ZNF674: variants seen among roughly 807,000 people sequenced by gnomAD.
The protein encoded by ZNF674 is zinc finger family member 674.
A neutral mutation model predicts 7.0 loss-of-function variants in ZNF674; 2 were observed. The ratio of observed to expected loss-of-function variants is 0.29; its 90% confidence interval spans 0.12 to 0.90. The LOEUF (loss-of-function observed/expected upper bound fraction) is 0.90, where lower values mean the gene tolerates loss of function less well. Among genes scored for constraint, ZNF674 ranks in the 40% least tolerant of loss-of-function variants. The probability of loss-of-function intolerance (pLI) is 0.57; values close to 1 mark genes in which losing one functional copy is unlikely to be tolerated. For synonymous variants in ZNF674, 103 were observed against 145.2 expected, an observed-to-expected ratio of 0.71 and a Z score of 2.09; for missense variants, 297 against 415.5, an observed-to-expected ratio of 0.71 and a Z score of 2.48.
In ZNF674 at chrX:46,499,724, A is replaced by G; in HGVS notation, c.*119T>C. ...TTAAATGAACATTAACATATGAAGA[A>G]TTTCCAATATTCTGGACATTTATAA... On this transcript the variant is annotated 3_prime_UTR_variant, in exon 6 of 6. Transcript: ENST00000683375. 1 of 551,990 alleles carries G rather than the reference A, an allele frequency of 1.8e-6. No homozygotes were observed. Among genetic ancestry groups the G allele is most frequent in the Non-Finnish European group, 2.7e-6 (1 of 373,042 alleles). The allele number at this position is 551,990 out of a possible 1,213,427, so 45.5% of individuals were successfully genotyped here.
chrX:46,542,132 T>C lies in ZNF674; in HGVS notation c.-29-16A>G, dbSNP rs754400238. The C allele has an allele frequency of 2.7e-5, 30 of 1,104,933 alleles. No individual in the cohort carries two copies. The highest frequency in any genetic ancestry group is 3.6e-5 in the Non-Finnish European group (29 of 805,613). The allele number at this position is 1,104,933 out of a possible 1,213,427, so 91.1% of individuals were successfully genotyped here. ...GGATGGAGATCTACAAATACAGAAT[T>C]AGAAGGGTTGAGTTCAGTGGGTATA... is the stretch of plus-strand genomic sequence containing the variant. On this transcript the variant is annotated splice_polypyrimidine_tract_variant and intron_variant, in intron 2 of 5. Coordinates refer to ENST00000683375, the MANE Select transcript of ZNF674 (RefSeq NM_001190417.2).
chrX:46,521,422 A>G (rs1198071096), intron 5 of ZNF674, among the ~76,000 whole-genome samples: 1 of 108,888 alleles, frequency 9.2e-6, no homozygotes, highest in Admixed American at 9.9e-5. Context: ...ACAAAAAAAT[A>G]CAAATATTAG....
At chrX:46,501,823 T>C (rs991371664) in intron 5 of ZNF674, among the ~76,000 whole-genome samples, 1 of 109,746 alleles carries the variant, frequency 9.1e-6, no homozygotes, top group African/African-American at 3.3e-5. Context: ...TTTGATGTCT[T>C]ATATATAACA....
At chrX:46,503,347 C>T (rs1295217000) in intron 5 of ZNF674, among the ~76,000 whole-genome samples, 1 of 111,579 alleles carries the variant, frequency 9.0e-6, no homozygotes, top group African/African-American at 3.3e-5. Flanking sequence ...TACACAAAAC[C>T]TGGCTAAGAA....
chrX:46,519,324 T>TAGATAGATAGATAGGC lies in ZNF674; in HGVS notation c.238+9025_238+9026insGCCTATCTATCTATCT, dbSNP rs200470080. Among the ~76,000 whole-genome samples the TAGATAGATAGATAGGC allele has an allele frequency of 1.1e-3, 113 of 106,376 alleles. 1 individual carries two copies. The highest frequency in any genetic ancestry group is 3.8e-3 in the African/African-American group (110 of 28,724). The allele number at this position is 106,376 out of a possible 115,157, so 92.4% of individuals were successfully genotyped here. A position where few individuals can be genotyped will look rare whatever the true frequency, so the allele number is the denominator to read the frequency against. Reference sequence around the variant, plus strand: ...ATAGATAGATAGATAGATAGATAGATAGGCCAGGTGTGGTGGCTCATGCCT... The same window carrying TAGATAGATAGATAGGC: ...ATAGATAGATAGATAGATAGATAGATAGATAGATAGATAGGCAGGCCAGGTGTGGTGGCTCATGCCT... On this transcript the variant is annotated intron_variant, in intron 5 of 5. Transcript: ENST00000683375.
chrX:46,534,183 G>A (rs562197423), intron 3 of ZNF674, among the ~76,000 whole-genome samples: 89 of 110,099 alleles, frequency 8.1e-4, no homozygotes, highest in Non-Finnish European at 1.2e-3. Flanking sequence ...CCGCCCCCAT[G>A]ACCCATTACC....
chrX:46,532,553 G>A (rs1160663054), intron 3 of ZNF674, among the ~76,000 whole-genome samples: 21 of 111,681 alleles, frequency 1.9e-4, no homozygotes, highest in African/African-American at 5.5e-4. Flanking sequence ...AATAAACCAC[G>A]CAGTGTCAAG....
intron 5 of ZNF674, among the ~76,000 whole-genome samples, chrX:46,505,795 C>CACACACACAA (rs1556010542): frequency 9.4e-6 from 1 of 106,335 alleles, no homozygotes; most frequent in Admixed American, 9.9e-5. Context: ...CACACACACA[C>CACACACACAA]GAAAAAAAAA....
chrX:46,526,619 C>T (rs1942014693), intron 5 of ZNF674, among the ~76,000 whole-genome samples: 1 of 109,330 alleles, frequency 9.1e-6, no homozygotes, highest in Non-Finnish European at 1.9e-5. Context: ...AAGTCAACAA[C>T]AACAACAACA....
chrX:46,519,248 AG>A (rs1941840404), intron 5 of ZNF674, among the ~76,000 whole-genome samples: 4 of 74,028 alleles, frequency 5.4e-5, no homozygotes, highest in African/African-American at 1.1e-4. Flanking sequence ...ATAGATAGAT[AG>A]ATAGATAGAT....
At chrX:46,520,543 G>C (rs1941889758) in intron 5 of ZNF674, among the ~76,000 whole-genome samples, 1 of 111,508 alleles carries the variant, frequency 9.0e-6, no homozygotes, top group Non-Finnish European at 1.9e-5. Flanking sequence ...ACCAATGGGG[G>C]GAATTGGATA....
chrX:46,540,753 G>A (rs1021550962), intron 3 of ZNF674, among the ~76,000 whole-genome samples: 1 of 111,320 alleles, frequency 9.0e-6, no homozygotes, highest in Non-Finnish European at 1.9e-5. Context: ...TGTTCATGAG[G>A]TACTGTATAC....
intron 5 of ZNF674, among the ~76,000 whole-genome samples, chrX:46,501,613 TA>T (rs891304295): frequency 5.5e-5 from 6 of 109,888 alleles, no homozygotes; most frequent in African/African-American, 2.0e-4. Context: ...AGTCAGAGTG[TA>T]ATTTTGGCTT....
intron 3 of ZNF674, among the ~76,000 whole-genome samples, chrX:46,535,916 G>A (rs186691727): frequency 0.023 from 2,557 of 111,981 alleles, 51 homozygotes; most frequent in Non-Finnish European, 0.034. Context: ...CTCACTAAAA[G>A]TCACATATAT....
chrX:46,501,115 G>A lies in ZNF674; in HGVS notation c.459C>T (p.Asn153=). 1 of 1,206,345 alleles carries A rather than the reference G, an allele frequency of 8.3e-7. No homozygotes were observed. The highest frequency in any genetic ancestry group is 1.1e-6 in the Non-Finnish European group (1 of 892,362). ...CATAGCTTCTATTTTGACCAAGAAA[G>A]TTTAAATGATGTTTTGAACACCTTT... ...SWERCSKHHL[N]FLGQNRSYVR... The change falls in exon 6 of 6, where the codon AAC becomes AAT. Residue 153 remains asparagine (N), a synonymous_variant. Coordinates refer to ENST00000683375, the MANE Select transcript of ZNF674 (RefSeq NM_001190417.2).
At chrX:46,519,243 TAGATAG>T (rs1332343087) in intron 5 of ZNF674, among the ~76,000 whole-genome samples, 2 of 72,991 alleles carry the variant, frequency 2.7e-5, no homozygotes, top group Admixed American at 3.3e-4. Context: ...GATAGATAGA[TAGATAG>T]ATAGATAGAT....
In ZNF674 at chrX:46,501,092, T is replaced by A. The variant is rs780697178; in HGVS notation, c.482A>T (p.Tyr161Phe). ...HLNFLGQNRSYVRKKDDGCKA... is the reference protein window; with the variant it reads ...HLNFLGQNRSFVRKKDDGCKA... ...ACATCCATCATCTTTCTTTCTTACA[T>A]AGCTTCTATTTTGACCAAGAAAGTT... Residue 161 changes from tyrosine to phenylalanine, a missense_variant, in exon 6 of 6, where the codon TAT (tyrosine) becomes TTT (phenylalanine). By Grantham distance (22) the Tyr-to-Phe change is conservative (BLOSUM62 3). Transcript: ENST00000683375. 1 of 1,207,214 alleles carries A rather than the reference T, an allele frequency of 8.3e-7. No individual in the cohort carries two copies. The highest frequency in any genetic ancestry group is 1.1e-6 in the Non-Finnish European group (1 of 892,671).
chrX:46,542,296 G>C (rs934591963), intron 2 of ZNF674, among the ~76,000 whole-genome samples, 180 bp from the exon 3 acceptor site: 23 of 112,037 alleles, frequency 2.1e-4, no homozygotes, highest in African/African-American at 7.1e-4. Context: ...ATGAAACTTT[G>C]TCTCCCTTAC....
chrX:46,529,033 A>ATGTACTAAAGATGTAGG (rs1942060892), intron 3 of ZNF674, 124 bp from the exon 4 acceptor site: 2 of 1,137,671 alleles, frequency 1.8e-6, no homozygotes, highest in Admixed American at 4.8e-5. Context: ...TAAAGATTTC[A>ATGTACTAAAGATGTAGG]GTCTTCGCCG....
Sources: allele counts gnomAD v4.1 joint callset (sites outside exome capture counted in the v4.1 genomes callset), GRCh38; gene constraint gnomAD v4.1.1; transcripts MANE v1.5; gene names NCBI Gene and HGNC (gene_info 2026-07-23, HGNC 2026-07-21).